The following EIF2AK4 variants were observed in gnomAD, a reference collection of about 807,000 sequenced individuals.
EIF2AK4 encodes the protein eIF-2-alpha kinase GCN2.
In EIF2AK4, 139 loss-of-function variants were observed where a neutral mutation model predicts 211.1. The observed-to-expected ratio is 0.66, with a 90% CI of 0.57 to 0.76. The LOEUF (loss-of-function observed/expected upper bound fraction) is 0.76, where lower values mean the gene tolerates loss of function less well. EIF2AK4 is among the 30% of genes least tolerant of loss of function. The pLI, the probability that EIF2AK4 is intolerant of heterozygous loss-of-function variation, is 0.00. For synonymous variants in EIF2AK4, 710 were observed against 751.3 expected, an observed-to-expected ratio of 0.94 and a Z score of 0.90; for missense variants, 1,664 against 2,043.8, an observed-to-expected ratio of 0.81 and a Z score of 3.58.
intron 7 of EIF2AK4, among the ~76,000 whole-genome samples, chr15:39,962,272 A>C (rs913849739): frequency 1.3e-5 from 2 of 152,218 alleles, no homozygotes; most frequent in Non-Finnish European, 2.9e-5. Flanking sequence ...AAAATAAAAT[A>C]AAATTTAAAA....
At chr15:39,944,105 C>T (rs1414645135) in intron 3 of EIF2AK4, among the ~76,000 whole-genome samples, 1 of 152,178 alleles carries the variant, frequency 6.6e-6, no homozygotes, top group Non-Finnish European at 1.5e-5. Context: ...CCACCTCTCC[C>T]CTTTGCATAT....
chr15:39,973,121 T>G, intron 10 of EIF2AK4, 107 bp downstream of exon 10: 1 of 919,650 alleles, frequency 1.1e-6, no homozygotes, highest in South Asian at 1.5e-5. Flanking sequence ...ATTTTATGTC[T>G]TTTATTCTGA....
intron 1 of EIF2AK4, among the ~76,000 whole-genome samples, chr15:39,937,594 A>G (rs1400563937): frequency 6.6e-6 from 1 of 151,786 alleles, no homozygotes; most frequent in African/African-American, 2.4e-5. Context: ...TTTTTCTTTT[A>G]TGGTCCCTGT....
intron 6 of EIF2AK4, 151 bp downstream of exon 6, chr15:39,955,919 T>A: frequency 1.4e-6 from 1 of 709,366 alleles, no homozygotes; most frequent in Non-Finnish European, 2.1e-6. Flanking sequence ...AGCAATATAT[T>A]AGGTGTATTT....
chr15:39,998,661 C>A, intron 19 of EIF2AK4, 70 bp from the exon 20 acceptor site: 2 of 1,227,600 alleles, frequency 1.6e-6, no homozygotes, highest in Non-Finnish European at 2.4e-6. Context: ...GATTTTCTTA[C>A]TTATGGTGAA....
intron 12 of EIF2AK4, chr15:39,977,072 A>C: frequency 4.6e-6 from 2 of 432,782 alleles, no homozygotes; most frequent in Non-Finnish European, 7.9e-6. Context: ...ATTAATCCCC[A>C]CCAAGTCCAA....
In EIF2AK4 at chr15:40,029,605, C is replaced by T. The variant is rs1830341625; in HGVS notation, c.4561+141C>T. On this transcript the variant is annotated intron_variant, in intron 34 of 38. Transcript: ENST00000263791. ...GCAATAAATTGTACCACATGGGATG[C>T]ATCCCTATGCTTTGAAATCCACATC... is the stretch of plus-strand genomic sequence containing the variant. 7.6e-6 allele frequency: 6 copies of T among 788,536 alleles called. No homozygotes were observed. The South Asian group carries it at 1.4e-4, about 18-fold the overall frequency. 48.8% of individuals were successfully genotyped at this position (788,536 alleles called of 1,614,324 possible).
Position 40,029,560 on chromosome 15 carries a change from A to G in EIF2AK4, c.4561+96A>G, listed in dbSNP as rs1320814413. ...TAACTGCTTGTGACACTGGAAATCT[A>G]TTTTTAAAATAACATATACGCAATA... is the stretch of plus-strand genomic sequence containing the variant. On this transcript the variant is annotated intron_variant, in intron 34 of 38. Transcript: ENST00000263791. The G allele has an allele frequency of 7.0e-6, 9 of 1,282,242 alleles. No individual in the cohort carries two copies. The East Asian group carries it at 2.2e-4, about 31-fold the overall frequency. 79.4% of individuals were successfully genotyped at this position (1,282,242 alleles called of 1,614,324 possible).
chr15:40,016,414 T>C (rs2035303385), intron 27 of EIF2AK4, 88 bp from the exon 28 acceptor site: 2 of 1,454,458 alleles, frequency 1.4e-6, no homozygotes, highest in African/African-American at 1.4e-5. Flanking sequence ...TCCCATGTGC[T>C]CCTGCTCCTG....
At chr15:39,965,970 C>A in intron 8 of EIF2AK4, 127 bp downstream of exon 8, 3 of 1,286,678 alleles carry the variant, frequency 2.3e-6, no homozygotes, top group East Asian at 2.5e-5. Context: ...AACTGTTTGA[C>A]CAGGGAGGAC....
In EIF2AK4 at chr15:40,007,950, T is replaced by A. The variant is rs2035183181; in HGVS notation, c.3408-77T>A. The A allele has an allele frequency of 9.4e-6, 11 of 1,168,646 alleles. No homozygotes were observed. In the East Asian group the frequency reaches 3.0e-4, roughly 31 times the overall value. 72.4% of individuals were successfully genotyped at this position (1,168,646 alleles called of 1,614,324 possible). On this transcript the variant is annotated intron_variant, in intron 24 of 38. Transcript: ENST00000263791. The stretch of plus-strand genomic sequence containing the variant: ...AATTTTTTTTCATATTTGTTTCTTA[T>A]ATCTTGTTCAACAATTTCTTATACA...
rs1182041009 is a variant in EIF2AK4, at chr15:40,001,283, C to T, written c.3159+59C>T. The T allele has an allele frequency of 2.6e-6, 4 of 1,525,802 alleles. No homozygotes were observed. The African/African-American group carries it at 5.5e-5, about 21-fold the overall frequency. 94.5% of individuals were successfully genotyped at this position (1,525,802 alleles called of 1,614,324 possible). On this transcript the variant is annotated intron_variant, in intron 21 of 38. Transcript: ENST00000263791. The stretch of plus-strand genomic sequence containing the variant: ...CACCTTGTCCACAAAAGGATCAAGC[C>T]AGTTTCTCACAGATTCTTTTAATGC...
intron 3 of EIF2AK4, 114 bp from the exon 4 acceptor site, chr15:39,949,002 T>G (rs769332126): frequency 8.2e-7 from 1 of 1,220,404 alleles, no homozygotes; most frequent in Non-Finnish European, 1.2e-6. Flanking sequence ...AAATGAATAA[T>G]GGCATTCTAA....
At position 40,034,455 on chromosome 15, in the gene EIF2AK4, A is replaced by G. The variant is rs777551162; in HGVS notation, c.4892+11A>G. The G allele has an allele frequency of 6.3e-7, 1 of 1,598,446 alleles. No individual in the cohort carries two copies. The highest frequency in any genetic ancestry group is 2.2e-5 in the East Asian group (1 of 44,766). On this transcript the variant is annotated intron_variant, in intron 38 of 38. Coordinates refer to ENST00000263791, the MANE Select transcript of EIF2AK4 (RefSeq NM_001013703.4). ...CAAAGTAGAAAAAAAGTAAGTTATC[A>G]CTTGGGCATAGCAGGGTTCACATGG...
At chr15:40,022,741 C>CTTTT in intron 32 of EIF2AK4, 136 bp downstream of exon 32, 1 of 529,502 alleles carries the variant, frequency 1.9e-6, no homozygotes, top group Non-Finnish European at 3.1e-6. Context: ...TGTTGGGTTT[C>CTTTT]TTTTTTTTTT....
At chr15:39,984,625 G>A (rs1192269237) in intron 13 of EIF2AK4, among the ~76,000 whole-genome samples, 1 of 152,164 alleles carries the variant, frequency 6.6e-6, no homozygotes, top group Non-Finnish European at 1.5e-5. Context: ...TTGTGAATGG[G>A]AATTCACTCA....
Position 39,988,545 on chromosome 15 carries a change from A to C in EIF2AK4, c.2526+440A>C, listed in dbSNP as rs143051997. 2.4e-3 allele frequency among the ~76,000 whole-genome samples: 367 copies of C among 152,366 alleles called. 2 individuals carry two copies. Among genetic ancestry groups the C allele is most frequent in the African/African-American group, 8.2e-3 (341 of 41,584 alleles). The stretch of plus-strand genomic sequence containing the variant: ...ATGCTCATTGGTTTACATATTGCCT[A>C]TGGCTGTTTTTTTTCCATACCAGCA... On this transcript the variant is annotated intron_variant, in intron 15 of 38. Transcript: ENST00000263791.
At chr15:39,949,513 C>T (rs528440623) in intron 4 of EIF2AK4, among the ~76,000 whole-genome samples, 1 of 152,258 alleles carries the variant, frequency 6.6e-6, no homozygotes, top group South Asian at 2.1e-4. Flanking sequence ...AGCTGTTTAA[C>T]CAAACCACCT....
chr15:39,958,895 A>T (rs2140908048), intron 6 of EIF2AK4, among the ~76,000 whole-genome samples: 1 of 151,966 alleles, frequency 6.6e-6, no homozygotes, highest in East Asian at 1.9e-4. Flanking sequence ...TCTTCTTGCC[A>T]CTTGGCTTTT....
Sources: allele counts gnomAD v4.1 joint callset (sites outside exome capture counted in the v4.1 genomes callset), GRCh38; gene constraint gnomAD v4.1.1; transcripts MANE v1.5; gene names NCBI Gene and HGNC (gene_info 2026-07-23, HGNC 2026-07-21).